DOCK3: variants seen among roughly 807,000 people sequenced by gnomAD.
DOCK3 encodes the protein dedicator of cytokinesis 3.
A neutral mutation model predicts 265.6 loss-of-function variants in DOCK3; 60 were observed. The observed-to-expected ratio is 0.23, with a 90% confidence interval of 0.18 to 0.28. DOCK3 has a LOEUF of 0.28. Ranked by LOEUF, DOCK3 falls within the 10% of genes least tolerant of loss-of-function variation. The pLI is 1.00. For missense variants in DOCK3, 1,981 were observed against 2,594.3 expected (o/e 0.76, Z 5.14); for synonymous variants, 881 against 938.0 (o/e 0.94, Z 1.11).
intron 5 of DOCK3, among the ~76,000 whole-genome samples, chr3:50,946,094 T>TAAAAAAA (rs35670695): frequency 1.5e-4 from 14 of 91,710 alleles, no homozygotes; most frequent in Non-Finnish European, 2.9e-4. Flanking sequence ...CCCCATCTCT[T>TAAAAAAA]AAAAAAAAAA....
chr3:51,320,549 G>A (rs930542824), intron 32 of DOCK3, among the ~76,000 whole-genome samples: 1 of 152,094 alleles, frequency 6.6e-6, no homozygotes, highest in Non-Finnish European at 1.5e-5. Context: ...CCACCCCCAC[G>A]GAGCCCAGCA....
intron 40 of DOCK3, among the ~76,000 whole-genome samples, chr3:51,351,572 C>G (rs1452161073): frequency 6.6e-6 from 1 of 151,694 alleles, no homozygotes; most frequent in East Asian, 1.9e-4. Context: ...AGCTCACTGC[C>G]TAATTGTGAT....
intron 3 of DOCK3, among the ~76,000 whole-genome samples, chr3:50,879,217 C>G (rs144358790): frequency 0.099 from 15,066 of 152,168 alleles, 920 homozygotes; most frequent in Non-Finnish European, 0.13. Flanking sequence ...GAAACTGCAT[C>G]AATTAACGAG....
intron 10 of DOCK3, among the ~76,000 whole-genome samples, chr3:51,155,197 T>G (rs1483612540): frequency 6.6e-6 from 1 of 152,028 alleles, no homozygotes; most frequent in Non-Finnish European, 1.5e-5. Context: ...GGTCTTGAAC[T>G]GCTGGCCTCA....
chr3:50,828,024 C>T (rs1247239778), intron 2 of DOCK3, among the ~76,000 whole-genome samples: 1 of 151,634 alleles, frequency 6.6e-6, no homozygotes, highest in Admixed American at 6.6e-5. Flanking sequence ...CGGCTCACTG[C>T]AGCTTCTGCC....
At chr3:50,813,466 G>A (rs530229381) in intron 2 of DOCK3, among the ~76,000 whole-genome samples, 34 of 152,108 alleles carry the variant, frequency 2.2e-4, no homozygotes, top group Middle Eastern at 3.4e-3. Context: ...AAGTTTGAGG[G>A]TGCAGTGAGC....
intron 1 of DOCK3, among the ~76,000 whole-genome samples, chr3:50,708,521 G>C (rs1355003092): frequency 6.6e-6 from 1 of 152,192 alleles, no homozygotes; most frequent in African/African-American, 2.4e-5. Context: ...GTAGTCTAGA[G>C]GGGGCTGTGA....
chr3:50,703,919 T>C (rs948760898), intron 1 of DOCK3, among the ~76,000 whole-genome samples: 1 of 152,104 alleles, frequency 6.6e-6, no homozygotes, highest in African/African-American at 2.4e-5. Context: ...TTTATTTCTA[T>C]AAACTTTTTC....
intron 14 of DOCK3, among the ~76,000 whole-genome samples, chr3:51,217,216 A>G (rs1444901327): frequency 3.3e-5 from 5 of 151,504 alleles, no homozygotes; most frequent in Non-Finnish European, 7.4e-5. Context: ...GCAGAGCTGT[A>G]AGGGAGAGTT....
intron 1 of DOCK3, among the ~76,000 whole-genome samples, chr3:50,769,353 A>G (rs1411545714): frequency 6.6e-6 from 1 of 152,212 alleles, no homozygotes; most frequent in African/African-American, 2.4e-5. Context: ...AACTCTAAAC[A>G]TGTTAGATAT....
At chr3:50,771,890 T>C (rs544133076) in intron 1 of DOCK3, among the ~76,000 whole-genome samples, 3 of 151,592 alleles carry the variant, frequency 2.0e-5, no homozygotes, top group Admixed American at 2.0e-4. Context: ...CAAAACAAAA[T>C]AAAACAAAAA....
chr3:50,722,178 C>T (rs1316606367), intron 1 of DOCK3, among the ~76,000 whole-genome samples: 1 of 152,188 alleles, frequency 6.6e-6, no homozygotes, highest in Non-Finnish European at 1.5e-5. Context: ...TGCATAGCAG[C>T]ATCCTGCAGA....
intron 4 of DOCK3, among the ~76,000 whole-genome samples, chr3:50,927,456 T>G (rs1451368440): frequency 6.6e-6 from 1 of 152,188 alleles, no homozygotes; most frequent in Non-Finnish European, 1.5e-5. Flanking sequence ...CATAAATATT[T>G]GAGGTGATGG....
chr3:51,132,511 C>T (rs1033357395), intron 9 of DOCK3, among the ~76,000 whole-genome samples: 1 of 152,258 alleles, frequency 6.6e-6, no homozygotes, highest in African/African-American at 2.4e-5. Flanking sequence ...TCACTCAGGG[C>T]AGTCATAGCA....
At chr3:51,076,418 T>C (rs1293565832) in intron 7 of DOCK3, among the ~76,000 whole-genome samples, 1 of 152,174 alleles carries the variant, frequency 6.6e-6, no homozygotes, top group Non-Finnish European at 1.5e-5. Context: ...TTGGACAACA[T>C]AGTGAGACCC....
At chr3:51,087,526 A>C (rs145411832) in intron 7 of DOCK3, among the ~76,000 whole-genome samples, 9 of 152,362 alleles carry the variant, frequency 5.9e-5, no homozygotes, top group African/African-American at 1.9e-4. Context: ...AGCTGACATC[A>C]TACTGAATGA....
intron 9 of DOCK3, among the ~76,000 whole-genome samples, chr3:51,123,249 C>A (rs1197993029): frequency 2.0e-5 from 3 of 152,184 alleles, no homozygotes; most frequent in Admixed American, 1.3e-4. Context: ...CACAAGGATT[C>A]CTGAGTTTGA....
At chr3:50,776,495 A>G (rs1015052818) in intron 1 of DOCK3, among the ~76,000 whole-genome samples, 4 of 151,462 alleles carry the variant, frequency 2.6e-5, no homozygotes, top group African/African-American at 4.9e-5. Context: ...TGTCAGCTGC[A>G]TAGTTTGCAG....
rs190430625 is a variant in DOCK3, at chr3:50,823,135, A to T, written c.122-18540A>T. On this transcript the variant is annotated intron_variant, in intron 2 of 52. Transcript: ENST00000266037. ...AAGTTAATTTTTAAAAGTAAATTGGAATTTTATTTTTATTTTATTTATTTA... is the reference window on the plus strand; with the variant it reads ...AAGTTAATTTTTAAAAGTAAATTGGTATTTTATTTTTATTTTATTTATTTA... Among the ~76,000 whole-genome samples the T allele has an allele frequency of 7.4e-4, 112 of 152,046 alleles. No individual in the cohort carries two copies. The Middle Eastern group carries it at 0.017, about 23-fold the overall frequency.
Sources: allele counts gnomAD v4.1 joint callset (sites outside exome capture counted in the v4.1 genomes callset), GRCh38; gene constraint gnomAD v4.1.1; transcripts MANE v1.5; gene names NCBI Gene and HGNC (gene_info 2026-07-23, HGNC 2026-07-21).